FOXP1: variants seen among roughly 807,000 people sequenced by gnomAD.
The protein encoded by FOXP1 is forkhead box P1.
In FOXP1, 15 loss-of-function variants were observed where a neutral mutation model predicts 98.2. The observed-to-expected ratio is 0.15, with a 90% CI of 0.10 to 0.24. The LOEUF (loss-of-function observed/expected upper bound fraction) is 0.24, where lower values mean the gene tolerates loss of function less well. FOXP1 is among the 10% of genes least tolerant of loss of function. FOXP1 has a pLI of 1.00. For synonymous variants in FOXP1, 371 were observed against 314.5 expected (o/e 1.18, Z -1.90); for missense variants, 633 against 848.5 (o/e 0.75, Z 3.15).
chr3:71,169,783 C>CA (rs34872916), intron 6 of FOXP1, among the ~76,000 whole-genome samples: 1,641 of 82,736 alleles, frequency 0.02, 23 homozygotes, highest in African/African-American at 0.044. Flanking sequence ...AAATTACTGG[C>CA]AAAAAAAAAA....
chr3:71,221,007 G>A (rs1268987115), intron 5 of FOXP1, among the ~76,000 whole-genome samples: 1 of 151,476 alleles, frequency 6.6e-6, no homozygotes, highest in Non-Finnish European at 1.5e-5. Context: ...ACAAAAATAT[G>A]AGCATCAAAC....
At chr3:71,573,304 T>C (rs1314567447) in intron 2 of FOXP1, among the ~76,000 whole-genome samples, 1 of 152,110 alleles carries the variant, frequency 6.6e-6, no homozygotes, top group Non-Finnish European at 1.5e-5. Context: ...CAAAAAGGTA[T>C]CAGAAAAGGT....
chr3:71,070,734 G>A (rs528317511), intron 7 of FOXP1, among the ~76,000 whole-genome samples: 1 of 152,106 alleles, frequency 6.6e-6, no homozygotes, highest in African/African-American at 2.4e-5. Flanking sequence ...AGCGTGCTGG[G>A]GTTTAACAGT....
chr3:71,555,208 T>C (rs999777221), intron 2 of FOXP1, among the ~76,000 whole-genome samples: 4 of 152,222 alleles, frequency 2.6e-5, no homozygotes, highest in Non-Finnish European at 5.9e-5. Flanking sequence ...TCAGCCTTTA[T>C]TTCAGATAAA....
At chr3:71,224,811 C>T (rs1441171330) in intron 5 of FOXP1, among the ~76,000 whole-genome samples, 3 of 152,178 alleles carry the variant, frequency 2.0e-5, no homozygotes, top group African/African-American at 7.2e-5. Flanking sequence ...ACCCGACAGA[C>T]TGGTTGTTGT....
At position 71,394,409 on chromosome 3, in the gene FOXP1, A is replaced by G. The variant is rs113868860; in HGVS notation, c.-167-35165T>C. 2.9e-3 allele frequency among the ~76,000 whole-genome samples: 449 copies of G among 152,302 alleles called. 3 individuals carry two copies. The highest frequency in any genetic ancestry group is 0.01 in the African/African-American group (419 of 41,568). ...CAGACCTTAGAAGAAAAGGTCAAAC[A>G]GGTTATCTGTGAGTGTGAAGCAATG... On this transcript the variant is annotated intron_variant, in intron 3 of 20. Transcript: ENST00000649528.
At chr3:71,114,093 G>A (rs570652795) in intron 6 of FOXP1, among the ~76,000 whole-genome samples, 85 of 152,150 alleles carry the variant, frequency 5.6e-4, no homozygotes, top group Admixed American at 2.9e-3. Flanking sequence ...AATTATTTGC[G>A]CATCAAAGAA....
At chr3:71,010,410 ATACTAC>A (rs1452122033) in intron 12 of FOXP1, among the ~76,000 whole-genome samples, 7 of 152,152 alleles carry the variant, frequency 4.6e-5, no homozygotes, top group African/African-American at 1.7e-4. Context: ...TATGCTGGGA[ATACTAC>A]TACAATACTA....
At chr3:71,422,619 G>A (rs571887520) in intron 3 of FOXP1, among the ~76,000 whole-genome samples, 1 of 152,128 alleles carries the variant, frequency 6.6e-6, no homozygotes, top group African/African-American at 2.4e-5. Context: ...TGAAGTGTGG[G>A]GAAATAATCG....
intron 6 of FOXP1, among the ~76,000 whole-genome samples, chr3:71,167,058 G>A (rs990570663): frequency 2.0e-5 from 3 of 151,840 alleles, no homozygotes; most frequent in Admixed American, 6.6e-5. Flanking sequence ...GCACATCTCC[G>A]CACTTCAGGA....
chr3:71,161,190 A>C (rs2061115030), intron 6 of FOXP1, among the ~76,000 whole-genome samples: 1 of 152,182 alleles, frequency 6.6e-6, no homozygotes, highest in African/African-American at 2.4e-5. Flanking sequence ...CCTTTGTAAC[A>C]AACTATCCTA....
chr3:71,263,076 G>A (rs2069312241), intron 5 of FOXP1, among the ~76,000 whole-genome samples: 1 of 152,172 alleles, frequency 6.6e-6, no homozygotes, highest in Admixed American at 6.5e-5. Flanking sequence ...ATCAGGAGTA[G>A]CTCAGCAAAA....
At chr3:71,284,237 C>G (rs1459287563) in intron 5 of FOXP1, among the ~76,000 whole-genome samples, 1 of 151,956 alleles carries the variant, frequency 6.6e-6, no homozygotes, top group Non-Finnish European at 1.5e-5. Flanking sequence ...ACTGATTTTC[C>G]CCCCTCTAGA....
intron 4 of FOXP1, among the ~76,000 whole-genome samples, chr3:71,349,681 T>A (rs926345713): frequency 6.6e-6 from 1 of 152,176 alleles, no homozygotes; most frequent in Admixed American, 6.5e-5. Context: ...GAAAAACATT[T>A]ATATCAAGTA....
At chr3:70,960,769 A>C (rs923631567) in intron 20 of FOXP1, among the ~76,000 whole-genome samples, 1 of 152,152 alleles carries the variant, frequency 6.6e-6, no homozygotes, top group Admixed American at 6.5e-5. Context: ...GAACCTTCAG[A>C]ATCAATTGAC....
intron 19 of FOXP1, among the ~76,000 whole-genome samples, chr3:70,967,687 G>GTTTTTTTTTTTTTTTTT (rs67711426): frequency 9.8e-5 from 6 of 61,358 alleles, no homozygotes; most frequent in Admixed American, 4.3e-4. Flanking sequence ...ACTATTATTT[G>GTTTTTTTTTTTTTTTTT]TTTTTTTTTT....
chr3:71,239,077 T>C (rs1216334204), intron 5 of FOXP1, among the ~76,000 whole-genome samples: 3 of 152,224 alleles, frequency 2.0e-5, no homozygotes, highest in African/African-American at 7.2e-5. Flanking sequence ...TTATGCTCTC[T>C]GTTTTCCCAC....
chr3:71,532,129 T>TCAAACACTGGGCAAA (rs1375018012), intron 2 of FOXP1, among the ~76,000 whole-genome samples: 1 of 152,228 alleles, frequency 6.6e-6, no homozygotes, highest in Non-Finnish European at 1.5e-5. Context: ...AGACAGGGTC[T>TCAAACACTGGGCAAA]CACTGTGTTG....
intron 5 of FOXP1, among the ~76,000 whole-genome samples, chr3:71,297,784 T>C (rs1377084916): frequency 8.2e-6 from 1 of 121,522 alleles, no homozygotes; most frequent in Non-Finnish European, 1.8e-5. Context: ...CCCAGCTAAT[T>C]TTTGTATTTT....
Sources: allele counts gnomAD v4.1 joint callset (sites outside exome capture counted in the v4.1 genomes callset), GRCh38; gene constraint gnomAD v4.1.1; transcripts MANE v1.5; gene names NCBI Gene and HGNC (gene_info 2026-07-23, HGNC 2026-07-21).